The following GRID1 variants were observed in gnomAD, a reference collection of about 807,000 sequenced individuals.
GRID1 encodes glutamate ionotropic receptor delta type subunit 1, also known as glutamate receptor ionotropic, delta-1.
Under a neutral mutation model 98.0 loss-of-function variants are expected in GRID1, and 28 were observed. The ratio of observed to expected loss-of-function variants is 0.29; its 90% CI spans 0.21 to 0.39. The LOEUF is 0.39. Among genes scored for constraint, GRID1 ranks in the 10% least tolerant of loss-of-function variants. GRID1 has a pLI of 1.00. For missense variants in GRID1, 1,111 were observed against 1,340.5 expected, an observed-to-expected ratio of 0.83 and a Z score of 2.67; for synonymous variants, 553 against 538.5, an observed-to-expected ratio of 1.03 and a Z score of -0.37.
At chr10:86,020,660 T>C (rs1843036715) in intron 4 of GRID1, among the ~76,000 whole-genome samples, 1 of 152,176 alleles carries the variant, frequency 6.6e-6, no homozygotes, top group South Asian at 2.1e-4. Context: ...ATTAGCTCCA[T>C]TTCTACCATT....
chr10:85,975,421 C>CT (rs1434540210), intron 4 of GRID1, among the ~76,000 whole-genome samples: 1 of 152,230 alleles, frequency 6.6e-6, no homozygotes, highest in East Asian at 1.9e-4. Context: ...CACCAAGTGG[C>CT]TCCTCCAGGC....
At chr10:85,928,299 A>G (rs902712163) in intron 4 of GRID1, among the ~76,000 whole-genome samples, 1 of 152,228 alleles carries the variant, frequency 6.6e-6, no homozygotes, top group East Asian at 1.9e-4. Flanking sequence ...TCTCTAAAAC[A>G]CTTACATAAA....
chr10:86,363,192 G>C (rs1042523496), intron 2 of GRID1, among the ~76,000 whole-genome samples: 5 of 152,268 alleles, frequency 3.3e-5, no homozygotes, highest in Non-Finnish European at 7.3e-5. Flanking sequence ...CCTCGCACCT[G>C]TGGCGCCTGC....
intron 4 of GRID1, among the ~76,000 whole-genome samples, chr10:85,982,493 A>G (rs966393227): frequency 6.6e-6 from 1 of 152,174 alleles, no homozygotes; most frequent in African/African-American, 2.4e-5. Context: ...GCCTGTGGCC[A>G]TTGTCCATCA....
chr10:86,112,029 G>A (rs1192663231), intron 4 of GRID1, among the ~76,000 whole-genome samples: 2 of 152,208 alleles, frequency 1.3e-5, no homozygotes, highest in Admixed American at 6.5e-5. Flanking sequence ...GTGAGTGGCT[G>A]AGGCAAGGCT....
chr10:85,648,073 G>A (rs1843220605), intron 12 of GRID1: 2 of 152,154 alleles, frequency 1.3e-5, no homozygotes, highest in African/African-American at 4.8e-5. Flanking sequence ...TATCTCTCCT[G>A]ATTTTAAAAT....
In GRID1 at chr10:86,015,173, A is replaced by G. The variant is rs534382904; in HGVS notation, c.727-98934T>C. ...AAGTCTCATCTGAGCAGAGAATTTT[A>G]TATTTGGTTCACTGCCTCAGCCCCT... On this transcript the variant is annotated intron_variant, in intron 4 of 15. Transcript: ENST00000327946. Among the ~76,000 whole-genome samples the G allele has an allele frequency of 7.2e-5, 11 of 152,350 alleles. No homozygotes were observed. The South Asian group carries it at 1.4e-3, about 20-fold the overall frequency.
chr10:86,185,595 C>T (rs1033738951), intron 3 of GRID1, among the ~76,000 whole-genome samples: 1 of 152,090 alleles, frequency 6.6e-6, no homozygotes, highest in Non-Finnish European at 1.5e-5. Flanking sequence ...TATGATGTTC[C>T]TCATGGATTG....
chr10:85,924,846 T>A (rs1841753157), intron 4 of GRID1, among the ~76,000 whole-genome samples: 1 of 152,230 alleles, frequency 6.6e-6, no homozygotes, highest in Non-Finnish European at 1.5e-5. Flanking sequence ...CAGTCTGAAC[T>A]GCCTTCCCTG....
At chr10:85,950,619 G>A (rs1842108049) in intron 4 of GRID1, among the ~76,000 whole-genome samples, 1 of 152,174 alleles carries the variant, frequency 6.6e-6, no homozygotes, top group African/African-American at 2.4e-5. Flanking sequence ...TTTAAAAGTA[G>A]AAGCACATCC....
intron 13 of GRID1, among the ~76,000 whole-genome samples, chr10:85,623,320 G>C (rs899803752): frequency 1.3e-5 from 2 of 152,152 alleles, no homozygotes; most frequent in African/African-American, 4.8e-5. Flanking sequence ...CCAGCTCTAA[G>C]AAGTTAAAAT....
At chr10:86,051,820 G>A (rs896879627) in intron 4 of GRID1, among the ~76,000 whole-genome samples, 8 of 152,158 alleles carry the variant, frequency 5.3e-5, no homozygotes, top group African/African-American at 1.7e-4. Context: ...AAACAGGCAC[G>A]CTTATACATT....
chr10:85,619,978 G>T lies in GRID1; in HGVS notation c.2249C>A (p.Ala750Asp), dbSNP rs780355161. 1 of 1,613,940 alleles carries T rather than the reference G, an allele frequency of 6.2e-7. No individual in the cohort carries two copies. Among genetic ancestry groups the T allele is most frequent in the South Asian group, 1.1e-5 (1 of 91,084 alleles). The change falls in exon 14 of 16, where the codon GCC (alanine) becomes GAC (aspartate). Residue 750 changes from alanine (A) to aspartate (D), a missense_variant. Transcript: ENST00000327946. Reference sequence around the variant, plus strand: ...CACCGAGCAGTCGTCATCCGTCAGGGCTGCGTATTCCACCACGGCCACATC... The same window carrying T: ...CACCGAGCAGTCGTCATCCGTCAGGTCTGCGTATTCCACCACGGCCACATC... ...LWDVAVVEYA[A>D]LTDDDCSVTV...
chr10:86,056,167 G>T (rs1056301977), intron 4 of GRID1, among the ~76,000 whole-genome samples: 4 of 152,162 alleles, frequency 2.6e-5, no homozygotes, highest in African/African-American at 9.7e-5. Context: ...GCTGCCTCCT[G>T]CCTTGAGTTG....
At chr10:86,245,147 C>A (rs904646234) in intron 2 of GRID1, among the ~76,000 whole-genome samples, 2 of 152,262 alleles carry the variant, frequency 1.3e-5, no homozygotes, top group Non-Finnish European at 2.9e-5. Context: ...TGTAGACCAA[C>A]TGGCCTGTGT....
intron 2 of GRID1, among the ~76,000 whole-genome samples, chr10:86,290,550 G>A (rs965908192): frequency 2.6e-5 from 4 of 152,284 alleles, no homozygotes; most frequent in African/African-American, 7.2e-5. Context: ...CTACTCAGGA[G>A]GCTGAGGCAG....
At chr10:85,992,560 G>C (rs1038856800) in intron 4 of GRID1, among the ~76,000 whole-genome samples, 1 of 151,372 alleles carries the variant, frequency 6.6e-6, no homozygotes, top group African/African-American at 2.4e-5. Flanking sequence ...GTGAGCCAGA[G>C]TGTTCAGGGA....
intron 8 of GRID1, among the ~76,000 whole-genome samples, chr10:85,799,975 C>A (rs1842560955): frequency 6.6e-6 from 1 of 151,712 alleles, no homozygotes; most frequent in Non-Finnish European, 1.5e-5. Flanking sequence ...TCACACTGTA[C>A]CCTATAAACA....
At chr10:85,988,137 C>T (rs1842635236) in intron 4 of GRID1, among the ~76,000 whole-genome samples, 1 of 152,208 alleles carries the variant, frequency 6.6e-6, no homozygotes, top group East Asian at 1.9e-4. Context: ...GTTGCCTCCT[C>T]TTCTGACTTC....
Sources: allele counts gnomAD v4.1 joint callset (sites outside exome capture counted in the v4.1 genomes callset), GRCh38; gene constraint gnomAD v4.1.1; transcripts MANE v1.5; gene names NCBI Gene and HGNC (gene_info 2026-07-23, HGNC 2026-07-21).